TTC17: variants seen among roughly 807,000 people sequenced by gnomAD.
The protein encoded by TTC17 is tetratricopeptide repeat protein 17.
Under a neutral mutation model 143.8 loss-of-function variants are expected in TTC17, and 58 were observed. That is an observed-to-expected ratio of 0.40 (90% CI 0.33 to 0.50). The LOEUF is 0.50. TTC17 is among the 20% of genes least tolerant of loss of function. The probability of loss-of-function intolerance (pLI) is 0.49; values close to 1 mark genes in which losing one functional copy is unlikely to be tolerated. For synonymous variants in TTC17, 501 were observed against 497.8 expected (o/e 1.01, Z -0.09); for missense variants, 1,273 against 1,392.5 (o/e 0.91, Z 1.37).
rs1947650756 is a variant in TTC17, at chr11:43,451,201, A to G, written c.2966A>G (p.Lys989Arg). 1 of 1,613,570 alleles carries G rather than the reference A, an allele frequency of 6.2e-7. No homozygotes were observed. Among genetic ancestry groups the G allele is most frequent in the Non-Finnish European group, 8.5e-7 (1 of 1,179,606 alleles). Residue 989 changes from lysine (K) to arginine (R), a missense_variant, in exon 21 of 24, where the codon AAA becomes AGA. Lys to Arg is a conservative substitution (Grantham distance 26). Around this residue, in one of 3 missense-constraint regions of TTC17, gnomAD observed 878 missense variants for 899.8 expected, o/e 0.98. Coordinates refer to ENST00000039989, the MANE Select transcript of TTC17 (RefSeq NM_018259.6). The part of the protein sequence containing the change: ...QLTEVLQNLG[K>R]DQYPQQSLEQ... ...TTCCAGGTATTACAAAATCTCGGCA[A>G]AGACCAATATCCACAACAGTCGCTT...
At chr11:43,395,652 A>G (rs149063845) in intron 5 of TTC17, among the ~76,000 whole-genome samples, 163 of 152,318 alleles carry the variant, frequency 1.1e-3, no homozygotes, top group African/African-American at 3.6e-3. Flanking sequence ...CAAAAATCAC[A>G]TACTTTTCTT....
chr11:43,380,767 T>A (rs1856937973), intron 2 of TTC17, among the ~76,000 whole-genome samples: 1 of 152,184 alleles, frequency 6.6e-6, no homozygotes, highest in Non-Finnish European at 1.5e-5. Flanking sequence ...ATATTTAGAG[T>A]GTTTCTAGAA....
Position 43,399,951 on chromosome 11 carries a change from A to G in TTC17, c.1122A>G (p.Arg374=). 6.2e-7 allele frequency: 1 copy of G among 1,614,078 alleles called. No homozygotes were observed. Among genetic ancestry groups the G allele is most frequent in the Non-Finnish European group, 8.5e-7 (1 of 1,179,954 alleles). ...AAAAGCAGCATGACCACTACCTGAG[A>G]CAGCAGGAAATCCTAGAAAAACATA... ...EYQKQHDHYL[R]QQEILEKHKL... The change falls in exon 9 of 24, where the codon AGA becomes AGG. Residue 374 remains arginine (R), a synonymous_variant. Transcript: ENST00000039989.
Position 43,494,023 on chromosome 11 carries a change from T to C in TTC17, c.*119T>C. On this transcript the variant is annotated 3_prime_UTR_variant, in exon 24 of 24. Transcript: ENST00000039989. ...TGTGTGTGAAAATAACTAAGACTTA[T>C]AACAGGACTTTTACATATGTGGGAA... 6 of 1,343,102 alleles carry C rather than the reference T, an allele frequency of 4.5e-6. No homozygotes were observed. The highest frequency in any genetic ancestry group is 2.0e-4 in the Middle Eastern group (1 of 5,062). The allele number at this position is 1,343,102 out of a possible 1,614,324, so 83.2% of individuals were successfully genotyped here. A position where few individuals can be genotyped will look rare whatever the true frequency, so the allele number is the denominator to read the frequency against.
chr11:43,444,724 C>CAT (rs1175697126), intron 18 of TTC17, among the ~76,000 whole-genome samples: 4 of 123,330 alleles, frequency 3.2e-5, no homozygotes, highest in African/African-American at 1.1e-4. Flanking sequence ...CAAATACATA[C>CAT]ACACACACAC....
chr11:43,376,611 C>T (rs994429740), intron 1 of TTC17, among the ~76,000 whole-genome samples: 4 of 152,154 alleles, frequency 2.6e-5, no homozygotes, highest in African/African-American at 9.7e-5. Flanking sequence ...TCTGGACTTA[C>T]AGCAGCCTCT....
At chr11:43,383,098 T>G (rs867965346) in intron 2 of TTC17, among the ~76,000 whole-genome samples, 1 of 151,996 alleles carries the variant, frequency 6.6e-6, no homozygotes, top group African/African-American at 2.4e-5. Flanking sequence ...CGTCTCACTT[T>G]GTTGCCTAGG....
chr11:43,430,502 C>T (rs999753605), intron 16 of TTC17, among the ~76,000 whole-genome samples: 12 of 152,016 alleles, frequency 7.9e-5, no homozygotes, highest in Admixed American at 7.9e-4. Flanking sequence ...ACATGGTACC[C>T]ATAGCCTATT....
At chr11:43,398,179 G>T (rs1025447327) in intron 8 of TTC17, 66 bp downstream of exon 8, 9 of 1,568,112 alleles carry the variant, frequency 5.7e-6, no homozygotes, top group Non-Finnish European at 7.8e-6. Context: ...ATCTGTGTAG[G>T]GGATATCAGT....
At chr11:43,395,145 G>C (rs1365819203) in intron 5 of TTC17, among the ~76,000 whole-genome samples, 2 of 144,468 alleles carry the variant, frequency 1.4e-5, no homozygotes, top group Non-Finnish European at 3.0e-5. Context: ...CTGTCGCCCA[G>C]GCTGGAGTGC....
chr11:43,409,814 T>G (rs935586910), intron 15 of TTC17, among the ~76,000 whole-genome samples: 5 of 152,088 alleles, frequency 3.3e-5, no homozygotes, highest in South Asian at 2.1e-4. Context: ...ATCTTGTGGT[T>G]GTTTTTGTTT....
chr11:43,407,650 T>C, intron 15 of TTC17, 73 bp downstream of exon 15: 1 of 1,383,118 alleles, frequency 7.2e-7, no homozygotes, highest in Non-Finnish European at 9.9e-7. Context: ...AATTTGTATT[T>C]TTCTAGGGAA....
At chr11:43,367,084 T>C (rs1440156209) in intron 1 of TTC17, among the ~76,000 whole-genome samples, 5 of 152,218 alleles carry the variant, frequency 3.3e-5, no homozygotes, top group Non-Finnish European at 7.3e-5. Context: ...AATGCCACAC[T>C]AGACATTTCT....
At position 43,359,080 on chromosome 11, in the gene TTC17, G is replaced by C; in HGVS notation, c.126G>C (p.Trp42Cys). 6.3e-7 allele frequency: 1 copy of C among 1,589,778 alleles called. No individual in the cohort carries two copies. Among genetic ancestry groups the C allele is most frequent in the Non-Finnish European group, 8.5e-7 (1 of 1,169,800 alleles). The change falls in exon 1 of 24, where the codon TGG (tryptophan) becomes TGC (cysteine). Residue 42 changes from tryptophan to cysteine, a missense_variant. Transcript: ENST00000039989. ...AARGAFATTH[W>C]VVTEDGKIQQ... is the part of the protein sequence containing the mutation. Reference sequence around the variant, plus strand: ...GAGGGGCCTTCGCCACCACGCACTGGGTCGTCACGGAGGACGGGAAAATCC... The same window carrying C: ...GAGGGGCCTTCGCCACCACGCACTGCGTCGTCACGGAGGACGGGAAAATCC...
At chr11:43,384,421 C>T (rs1055813125) in intron 2 of TTC17, among the ~76,000 whole-genome samples, 2 of 152,072 alleles carry the variant, frequency 1.3e-5, no homozygotes, top group Non-Finnish European at 2.9e-5. Context: ...TCTGGGGGGT[C>T]GAGGCGGGCA....
At chr11:43,487,466 T>C (rs1258934593) in intron 21 of TTC17, among the ~76,000 whole-genome samples, 1 of 152,170 alleles carries the variant, frequency 6.6e-6, no homozygotes, top group Non-Finnish European at 1.5e-5. Flanking sequence ...TTATTTAAAA[T>C]CCTTTTGGAA....
At position 43,479,363 on chromosome 11, in the gene TTC17, T is replaced by TA. The variant is rs200655733; in HGVS notation, c.3031-10871dup. 8.3e-3 allele frequency among the ~76,000 whole-genome samples: 1,257 copies of TA among 152,314 alleles called. 10 individuals are homozygous for TA. Among genetic ancestry groups the TA allele is most frequent in the Non-Finnish European group, 0.013 (916 of 68,022 alleles). ...AGCATCAGAAATGAGTAGGTAAATT[T>TA]AAAAAGCAAATTAGCCATCTTAAAC... On this transcript the variant is annotated intron_variant, in intron 21 of 23. Coordinates refer to ENST00000039989, the MANE Select transcript of TTC17 (RefSeq NM_018259.6).
chr11:43,480,923 TATA>T (rs1183998125), intron 21 of TTC17, among the ~76,000 whole-genome samples: 12 of 134,076 alleles, frequency 9.0e-5, no homozygotes, highest in African/African-American at 3.3e-4. Flanking sequence ...TCTGGACAAA[TATA>T]AAATGATCTA....
chr11:43,455,089 A>C (rs1034864222), intron 21 of TTC17, among the ~76,000 whole-genome samples: 1 of 151,368 alleles, frequency 6.6e-6, no homozygotes, highest in Non-Finnish European at 1.5e-5. Context: ...AAAAATAATA[A>C]TAATAATAAT....
Sources: gnomAD v4.1 joint callset for allele counts (sites outside exome capture counted in the v4.1 genomes callset) on GRCh38, gnomAD v4.1.1 for gene constraint, gnomAD v4.1.1 regional missense constraint, MANE v1.5 for transcripts, NCBI Gene and HGNC (gene_info 2026-07-23, HGNC 2026-07-21) for gene names.